FBXL20: variants seen among roughly 807,000 people sequenced by gnomAD.
The protein encoded by FBXL20 is F-box/LRR-repeat protein 20.
FBXL20 carries 11 observed loss-of-function variants against 64.0 expected under a neutral mutation model. That is an observed-to-expected ratio of 0.17 (90% CI 0.11 to 0.28). FBXL20 has a LOEUF of 0.28. FBXL20 is among the 10% of genes least tolerant of loss of function. The probability of loss-of-function intolerance (pLI) is 1.00; values close to 1 mark genes in which losing one functional copy is unlikely to be tolerated. For synonymous variants in FBXL20, 184 were observed against 189.0 expected (o/e 0.97, Z 0.22); for missense variants, 303 against 526.2 (o/e 0.58, Z 4.15).
chr17:39,291,347 T>C (rs2047036703), intron 6 of FBXL20, among the ~76,000 whole-genome samples: 1 of 151,242 alleles, frequency 6.6e-6, no homozygotes, highest in African/African-American at 2.4e-5. Context: ...TCTTCCTTTT[T>C]GGTAGGTAGG....
At chr17:39,305,037 C>T (rs1416346002) in intron 2 of FBXL20, among the ~76,000 whole-genome samples, 1 of 152,012 alleles carries the variant, frequency 6.6e-6, no homozygotes, top group Non-Finnish European at 1.5e-5. Context: ...GGATTACAGG[C>T]GTGAGCCACC....
chr17:39,268,745 G>T, intron 12 of FBXL20, 82 bp downstream of exon 12: 2 of 1,199,878 alleles, frequency 1.7e-6, no homozygotes, highest in Non-Finnish European at 2.5e-6. Flanking sequence ...CTACACTAGG[G>T]TAGGGAATTG....
intron 2 of FBXL20, among the ~76,000 whole-genome samples, chr17:39,310,578 TGGCTCATGCCTATAACCCCAGC>T (rs1340021867): frequency 2.6e-5 from 4 of 152,010 alleles, no homozygotes; most frequent in African/African-American, 4.8e-5. Context: ...GTAGGCACAG[TGGCTCATGCCTATAACCCCAGC>T]ACTTTGGGAG....
intron 2 of FBXL20, among the ~76,000 whole-genome samples, chr17:39,318,331 T>A (rs1371744478): frequency 2.0e-5 from 3 of 152,208 alleles, no homozygotes; most frequent in African/African-American, 7.2e-5. Context: ...GTAAGAATCC[T>A]CAACAATAGT....
rs917180942 is a variant in FBXL20, at chr17:39,367,930, AT to A, written c.43-24690del. Reference sequence around the variant, plus strand: ...AGGCACGCCCCACCACACCCAGCTAATTTTTTTTTTCTTTTTTTTGTACTTT... The same window carrying A: ...AGGCACGCCCCACCACACCCAGCTAATTTTTTTTTCTTTTTTTTGTACTTT... On this transcript the variant is annotated intron_variant, in intron 1 of 14. Transcript: ENST00000264658. Among the ~76,000 whole-genome samples the A allele has an allele frequency of 2.4e-4, 35 of 147,500 alleles. No individual in the cohort carries two copies. The South Asian group carries it at 4.5e-3, about 19-fold the overall frequency.
intron 1 of FBXL20, among the ~76,000 whole-genome samples, chr17:39,353,974 T>C (rs1354779860): frequency 6.6e-6 from 1 of 152,098 alleles, no homozygotes; most frequent in African/African-American, 2.4e-5. Context: ...GTTCTGAAGA[T>C]TGCTTGTACA....
At chr17:39,348,504 C>G (rs1010507072) in intron 1 of FBXL20, among the ~76,000 whole-genome samples, 1 of 151,982 alleles carries the variant, frequency 6.6e-6, no homozygotes, top group African/African-American at 2.4e-5. Context: ...GTTGACCAGG[C>G]TGGTCTGAAA....
chr17:39,264,133 G>T, intron 14 of FBXL20, 42 bp downstream of exon 14: 1 of 1,567,890 alleles, frequency 6.4e-7, no homozygotes, highest in Non-Finnish European at 8.8e-7. Flanking sequence ...AGAAGAAAGT[G>T]CTGCTAACAC....
chr17:39,336,987 C>T (rs905702956), intron 2 of FBXL20, among the ~76,000 whole-genome samples: 1 of 151,954 alleles, frequency 6.6e-6, no homozygotes, highest in Non-Finnish European at 1.5e-5. Context: ...TCTCCCTCTC[C>T]CCACGGTCTT....
At chr17:39,305,806 T>C (rs2047176487) in intron 2 of FBXL20, among the ~76,000 whole-genome samples, 1 of 151,966 alleles carries the variant, frequency 6.6e-6, no homozygotes, top group Non-Finnish European at 1.5e-5. Flanking sequence ...ACAAACATGG[T>C]GAAACCCCGT....
intron 1 of FBXL20, among the ~76,000 whole-genome samples, chr17:39,367,124 C>A (rs1360264300): frequency 1.3e-5 from 2 of 151,920 alleles, no homozygotes; most frequent in Admixed American, 6.6e-5. Context: ...ACCTCAAGAT[C>A]TGCCTGCCTC....
At chr17:39,302,757 A>G (rs1248391045) in intron 3 of FBXL20, among the ~76,000 whole-genome samples, 1 of 152,064 alleles carries the variant, frequency 6.6e-6, no homozygotes, top group African/African-American at 2.4e-5. Flanking sequence ...CAATCCTCCC[A>G]TCTTGGCCTC....
At chr17:39,261,814 G>A (rs2046748431) in intron 14 of FBXL20, among the ~76,000 whole-genome samples, 1 of 152,074 alleles carries the variant, frequency 6.6e-6, no homozygotes, top group African/African-American at 2.4e-5. Context: ...CGGGCGCGGT[G>A]GCTCACGCCT....
chr17:39,343,089 T>A (rs536409301), intron 2 of FBXL20, 91 bp downstream of exon 2: 1 of 795,458 alleles, frequency 1.3e-6, no homozygotes, highest in Non-Finnish European at 2.0e-6. Context: ...ATACTATACA[T>A]ATATGAAAAT....
chr17:39,368,923 C>T (rs894719711), intron 1 of FBXL20, among the ~76,000 whole-genome samples: 4 of 151,922 alleles, frequency 2.6e-5, no homozygotes, highest in South Asian at 2.1e-4. Context: ...CCAAAGTGCT[C>T]GGATTACAGG....
intron 1 of FBXL20, among the ~76,000 whole-genome samples, chr17:39,386,773 T>C (rs1437897029): frequency 1.3e-5 from 2 of 152,216 alleles, no homozygotes; most frequent in Admixed American, 6.6e-5. Flanking sequence ...CCACTTCTAA[T>C]TCCACAAAAG....
chr17:39,337,541 A>AGCGCCTCT (rs2047536279), intron 2 of FBXL20, among the ~76,000 whole-genome samples: 1 of 147,530 alleles, frequency 6.8e-6, no homozygotes, highest in Admixed American at 6.7e-5. Flanking sequence ...AGATGTGGGG[A>AGCGCCTCT]GCGCCTCTGC....
intron 11 of FBXL20, 68 bp downstream of exon 11, chr17:39,270,728 C>T: frequency 1.5e-6 from 2 of 1,331,790 alleles, no homozygotes; most frequent in South Asian, 1.3e-5. Context: ...GCTGCTTGTT[C>T]TTCTGAAATA....
At chr17:39,285,338 G>C in intron 7 of FBXL20, 140 bp downstream of exon 7, 1 of 482,608 alleles carries the variant, frequency 2.1e-6, no homozygotes, top group Non-Finnish European at 3.5e-6. Context: ...TTGGGCAAGT[G>C]GTAAAACAAA....
Sources: gnomAD v4.1 joint callset for allele counts (sites outside exome capture counted in the v4.1 genomes callset) on GRCh38, gnomAD v4.1.1 for gene constraint, MANE v1.5 for transcripts, NCBI Gene and HGNC (gene_info 2026-07-23, HGNC 2026-07-21) for gene names.